INO80D: variants seen among roughly 807,000 people sequenced by gnomAD.
The protein encoded by INO80D is INO80 complex subunit D.
Under a neutral mutation model 87.6 loss-of-function variants are expected in INO80D, and 21 were observed. That is an observed-to-expected ratio of 0.24 (90% confidence interval 0.17 to 0.35). The LOEUF (loss-of-function observed/expected upper bound fraction) is 0.35, where lower values mean the gene tolerates loss of function less well. Ranked by LOEUF, INO80D falls within the 10% of genes least tolerant of loss-of-function variation. The pLI is 1.00. For missense variants in INO80D, 982 were observed against 1,280.7 expected, an observed-to-expected ratio of 0.77 and a Z score of 3.56; for synonymous variants, 440 against 491.0, an observed-to-expected ratio of 0.90 and a Z score of 1.37.
In INO80D at chr2:206,062,776, T is replaced by C; in HGVS notation, c.218+23A>G. The C allele has an allele frequency of 6.4e-7, 1 of 1,567,344 alleles. No individual in the cohort carries two copies. ...CAAGCCTGTTAATGAAATCAAGGAT[T>C]GATTCTCATGATTAGCCCTTACCTA... On this transcript the variant is annotated intron_variant, in intron 3 of 10. Transcript: ENST00000403263. The surrounding 1 kb of genome is among the most constrained non-coding windows in gnomAD (Gnocchi z 4.6).
chr2:206,033,447 T>A (rs2105842892), intron 5 of INO80D, among the ~76,000 whole-genome samples: 1 of 152,110 alleles, frequency 6.6e-6, no homozygotes, highest in Admixed American at 6.5e-5. Flanking sequence ...TTCAAAACCA[T>A]CCAAATACAT....
intron 5 of INO80D, among the ~76,000 whole-genome samples, chr2:206,042,436 C>T (rs762083355): frequency 1.6e-4 from 25 of 152,108 alleles, no homozygotes; most frequent in Non-Finnish European, 3.2e-4. Flanking sequence ...AATCCTAGCA[C>T]TTTGGGAGGC....
Position 206,066,370 on chromosome 2 carries a change from T to C in INO80D, c.-123-3126A>G, listed in dbSNP as rs1418872120. 2.0e-5 allele frequency among the ~76,000 whole-genome samples: 3 copies of C among 152,190 alleles called. No individual in the cohort carries two copies. In the East Asian group the frequency reaches 5.8e-4, roughly 29 times the overall value. On this transcript the variant is annotated intron_variant, in intron 1 of 10. Transcript: ENST00000403263. Reference sequence around the variant, plus strand: ...AAAAGGAAATAATACATCAAAGAGATATCTGCACTCCCATGTTTATCAAAG... The same window carrying C: ...AAAAGGAAATAATACATCAAAGAGACATCTGCACTCCCATGTTTATCAAAG...
chr2:206,029,917 C>T (rs1272779123), intron 5 of INO80D, among the ~76,000 whole-genome samples: 1 of 152,166 alleles, frequency 6.6e-6, no homozygotes, highest in African/African-American at 2.4e-5. Context: ...ATTCAAATAT[C>T]TGACCACAAA....
intron 1 of INO80D, among the ~76,000 whole-genome samples, chr2:206,079,407 A>G (rs1690214040): frequency 6.6e-6 from 1 of 152,146 alleles, no homozygotes; most frequent in Non-Finnish European, 1.5e-5. Context: ...ATACAACTGC[A>G]TATGTGGATT....
At chr2:206,025,528 C>CAAAAAAAAAAAAAAAAAAAAAA (rs71410856) in intron 6 of INO80D, 1 of 54,512 alleles carries the variant, frequency 1.8e-5, no homozygotes, top group African/African-American at 7.1e-5. Flanking sequence ...AACTCCATCT[C>CAAAAAAAAAAAAAAAAAAAAAA]AAAAAAAAAA....
intron 4 of INO80D, among the ~76,000 whole-genome samples, chr2:206,049,043 T>TA (rs1241991944): frequency 6.6e-6 from 1 of 152,234 alleles, no homozygotes; most frequent in African/African-American, 2.4e-5. Context: ...CCTTGATAAC[T>TA]AGTATTTTAT....
At chr2:206,016,941 T>G (rs1688334769) in intron 8 of INO80D, among the ~76,000 whole-genome samples, 1 of 152,152 alleles carries the variant, frequency 6.6e-6, no homozygotes, top group African/African-American at 2.4e-5. Flanking sequence ...CTTTCTTTTG[T>G]AAACTGCCCA....
At chr2:206,057,431 C>G (rs1321010505) in intron 3 of INO80D, among the ~76,000 whole-genome samples, 3 of 151,974 alleles carry the variant, frequency 2.0e-5, no homozygotes, top group Admixed American at 2.0e-4. Context: ...CAGAGAGAGA[C>G]AGAGAAAGAG....
chr2:206,084,539 C>G (rs561309980), intron 1 of INO80D: 1 of 152,358 alleles, frequency 6.6e-6, no homozygotes, highest in Admixed American at 6.5e-5. Context: ...CTGACAACCA[C>G]GTCTCCCCCT....
intron 3 of INO80D, among the ~76,000 whole-genome samples, chr2:206,060,777 C>A (rs1689668706): frequency 6.6e-6 from 1 of 151,982 alleles, no homozygotes; most frequent in African/African-American, 2.4e-5. Flanking sequence ...TCAGGGTGGT[C>A]TCAAACTCTC....
chr2:206,030,079 T>C (rs1285123922), intron 5 of INO80D, among the ~76,000 whole-genome samples: 1 of 152,186 alleles, frequency 6.6e-6, no homozygotes, highest in African/African-American at 2.4e-5. Flanking sequence ...GGAGTTCTCG[T>C]AGAGCTAGCA....
intron 1 of INO80D, among the ~76,000 whole-genome samples, chr2:206,066,976 A>C (rs572059352): frequency 1.3e-5 from 2 of 151,778 alleles, no homozygotes; most frequent in East Asian, 3.9e-4. Flanking sequence ...GGCTGGGCGC[A>C]GTGGTTCATG....
intron 4 of INO80D, among the ~76,000 whole-genome samples, chr2:206,050,070 T>G (rs557344062): frequency 6.6e-6 from 1 of 151,636 alleles, no homozygotes; most frequent in Non-Finnish European, 1.5e-5. Flanking sequence ...GAGGCAGAGG[T>G]TGCAATGAGC....
intron 5 of INO80D, among the ~76,000 whole-genome samples, chr2:206,041,102 C>T (rs1251939237): frequency 6.6e-6 from 1 of 152,036 alleles, no homozygotes; most frequent in African/African-American, 2.4e-5. Context: ...CATATGAGTA[C>T]AGCTAATAAG....
chr2:206,079,989 C>T (rs951523104), intron 1 of INO80D, among the ~76,000 whole-genome samples: 1 of 152,204 alleles, frequency 6.6e-6, no homozygotes, highest in African/African-American at 2.4e-5. Flanking sequence ...CCTGCAAAGC[C>T]CTCACTTTAA....
At chr2:206,065,186 A>ACAGGGTGGG (rs1559461340) in intron 1 of INO80D, among the ~76,000 whole-genome samples, 1 of 152,174 alleles carries the variant, frequency 6.6e-6, no homozygotes, top group African/African-American at 2.4e-5. Context: ...TCTGAAAAGT[A>ACAGGGTGGG]CAGGGTGGGC....
rs1689508617 is a variant in INO80D, at chr2:206,056,062, T to A, written c.964+136A>T. ...TAAGGTGGTCTACCTAAATACAGAA[T>A]CTTTCACTGCACCACTCTGCCTCAT... On this transcript the variant is annotated intron_variant, in intron 4 of 10. Transcript: ENST00000403263. 4 of 812,812 alleles carry A rather than the reference T, an allele frequency of 4.9e-6. No individual in the cohort carries two copies. The South Asian group carries it at 6.0e-5, about 12-fold the overall frequency. 50.3% of individuals were successfully genotyped at this position (812,812 alleles called of 1,614,324 possible). A position where few individuals can be genotyped will look rare whatever the true frequency, so the allele number is the denominator to read the frequency against.
At chr2:206,027,682 C>T (rs2199570) in intron 6 of INO80D, among the ~76,000 whole-genome samples, 43,093 of 151,864 alleles carry the variant, frequency 0.28, 6,853 homozygotes, top group Admixed American at 0.35. Context: ...CCAGCCTGGG[C>T]GACAGAGCAA....
Sources: allele counts gnomAD v4.1 joint callset (sites outside exome capture counted in the v4.1 genomes callset), GRCh38; gene constraint gnomAD v4.1.1; non-coding constraint Gnocchi (gnomAD v3.1); transcripts MANE v1.5; gene names NCBI Gene and HGNC (gene_info 2026-07-23, HGNC 2026-07-21).